DCAF5: variants seen among roughly 807,000 people sequenced by gnomAD.
DCAF5 encodes the protein DDB1- and CUL4-associated factor 5.
Under a neutral mutation model 80.7 loss-of-function variants are expected in DCAF5, and 9 were observed. The ratio of observed to expected loss-of-function variants is 0.11; its 90% confidence interval spans 0.07 to 0.19. DCAF5 has a LOEUF of 0.19. DCAF5 is among the 10% of genes least tolerant of loss of function. DCAF5 has a pLI of 1.00. For synonymous variants in DCAF5, 433 were observed against 461.9 expected, an observed-to-expected ratio of 0.94 and a Z score of 0.80; for missense variants, 842 against 1,205.7, an observed-to-expected ratio of 0.70 and a Z score of 4.47.
intron 5 of DCAF5, among the ~76,000 whole-genome samples, chr14:69,116,088 C>T (rs374230324): frequency 1.3e-5 from 2 of 151,962 alleles, no homozygotes; most frequent in African/African-American, 4.8e-5. Context: ...GAAGGCAATA[C>T]TAAAGGGATG....
intron 5 of DCAF5, among the ~76,000 whole-genome samples, chr14:69,097,391 A>C (rs988025432): frequency 2.6e-5 from 4 of 152,050 alleles, no homozygotes; most frequent in Admixed American, 6.5e-5. Context: ...ATAGCTTTAA[A>C]ATTTTTTTAT....
rs914149284 is a variant in DCAF5 at position 69,051,853 on chromosome 14, C to T, written c.*2004G>A. ...GGAAGAGAAACACACACTGAGTGAT[C>T]GTATTTTTTTTGTATATAAAGGATT... On this transcript the variant is annotated 3_prime_UTR_variant, in exon 9 of 9. Coordinates refer to ENST00000341516, the MANE Select transcript of DCAF5 (RefSeq NM_003861.3). The T allele has an allele frequency of 6.6e-6, 1 of 152,544 alleles. No individual in the cohort carries two copies. Among genetic ancestry groups the T allele is most frequent in the South Asian group, 2.1e-4 (1 of 4,820 alleles). 9.4% of individuals were successfully genotyped at this position (152,544 alleles called of 1,614,324 possible).
chr14:69,072,642 AAAAC>A lies in DCAF5; in HGVS notation c.946+2699_946+2702del, dbSNP rs1415651285. Among the ~76,000 whole-genome samples the A allele has an allele frequency of 4.0e-5, 6 of 149,770 alleles. No individual in the cohort carries two copies. The South Asian group carries it at 6.3e-4, about 16-fold the overall frequency. ...TGACTTTAAAAAAAAAAAAAAAAAA[AAAAC>A]GAGAGAAAAGAAAAAAAATGTGGGT... On this transcript the variant is annotated intron_variant, in intron 7 of 8. Transcript: ENST00000341516.
At chr14:69,067,678 C>A (rs971297388) in intron 7 of DCAF5, among the ~76,000 whole-genome samples, 3 of 151,454 alleles carry the variant, frequency 2.0e-5, no homozygotes, top group African/African-American at 7.3e-5. Context: ...TGGAGTCTCA[C>A]CAGGCTGGAG....
Position 69,118,895 on chromosome 14 carries a change from C to T in DCAF5, c.395+299G>A, listed in dbSNP as rs973984002. On this transcript the variant is annotated intron_variant, in intron 3 of 8. Coordinates refer to ENST00000341516, the MANE Select transcript of DCAF5 (RefSeq NM_003861.3). The surrounding 1 kb of genome is among the most constrained non-coding windows in gnomAD (Gnocchi z 4.0). ...GTCTGGCACATAGTAAGAACTCAAT[C>T]AATATTAGCTATTACTGTTCTTAAA... Among the ~76,000 whole-genome samples, 4 of 152,182 alleles carry T rather than the reference C, an allele frequency of 2.6e-5. No individual in the cohort carries two copies. Among genetic ancestry groups the T allele is most frequent in the African/African-American group, 9.7e-5 (4 of 41,448 alleles).
intron 6 of DCAF5, among the ~76,000 whole-genome samples, chr14:69,075,887 T>C (rs1000156921): frequency 6.6e-6 from 1 of 152,094 alleles, no homozygotes; most frequent in African/African-American, 2.4e-5. Context: ...AAACACCCTC[T>C]TAAAAATACC....
At chr14:69,076,861 G>C (rs1027763321) in intron 6 of DCAF5, among the ~76,000 whole-genome samples, 1 of 152,138 alleles carries the variant, frequency 6.6e-6, no homozygotes, top group Non-Finnish European at 1.5e-5. Context: ...GATCTTTCAC[G>C]TAAGGCCAAG....
At chr14:69,085,674 A>G (rs1044053554) in intron 6 of DCAF5, among the ~76,000 whole-genome samples, 1 of 152,216 alleles carries the variant, frequency 6.6e-6, no homozygotes, top group Non-Finnish European at 1.5e-5. Context: ...TCCCTCATAC[A>G]TACAAATGTA....
chr14:69,065,710 T>C (rs1379252503), intron 7 of DCAF5, among the ~76,000 whole-genome samples: 1 of 152,256 alleles, frequency 6.6e-6, no homozygotes, highest in East Asian at 1.9e-4. Flanking sequence ...TAGAAATTTG[T>C]ATAAGCCAGA....
rs60913200 is a variant in DCAF5 at position 69,099,251 on chromosome 14, AACACACACACAC to A, written c.666-7376_666-7365del. Among the ~76,000 whole-genome samples the A allele has an allele frequency of 6.0e-3, 748 of 124,314 alleles. 7 individuals are homozygous for A. Among genetic ancestry groups the A allele is most frequent in the Middle Eastern group, 0.033 (8 of 244 alleles). 81.6% of individuals were successfully genotyped at this position (124,314 alleles called of 152,430 possible). A position where few individuals can be genotyped will look rare whatever the true frequency, so the allele number is the denominator to read the frequency against. Reference sequence around the variant, plus strand: ...TGGCAACAGAGTGGGACTCTGTCTCAACACACACACACACACACACACACACACACACACACA... The same window carrying A: ...TGGCAACAGAGTGGGACTCTGTCTCAACACACACACACACACACACACACA... On this transcript the variant is annotated intron_variant, in intron 5 of 8. Transcript: ENST00000341516.
At chr14:69,143,553 CTT>C (rs562355110) in intron 1 of DCAF5, among the ~76,000 whole-genome samples, 102 of 102,166 alleles carry the variant, frequency 1.0e-3, no homozygotes, top group African/African-American at 2.9e-3. Context: ...ATCTGTTAAA[CTT>C]TTTTTTTTTT....
rs2037815342 is a variant in DCAF5 at position 69,053,133 on chromosome 14, T to C, written c.*724A>G. On this transcript the variant is annotated 3_prime_UTR_variant, in exon 9 of 9. Transcript: ENST00000341516. ...GCAGCACTGCTCAATTTGCAAACAGTGAAATTTATCAGGAATCTATATTCT... is the reference window on the plus strand; with the variant it reads ...GCAGCACTGCTCAATTTGCAAACAGCGAAATTTATCAGGAATCTATATTCT... 6.6e-6 allele frequency: 1 copy of C among 152,276 alleles called. No individual in the cohort carries two copies. Among genetic ancestry groups the C allele is most frequent in the Non-Finnish European group, 1.5e-5 (1 of 68,052 alleles). The allele number at this position is 152,276 out of a possible 1,614,324, so 9.4% of individuals were successfully genotyped here.
At chr14:69,149,124 T>C (rs2176255) in intron 1 of DCAF5, among the ~76,000 whole-genome samples, 8,199 of 152,294 alleles carry the variant, frequency 0.054, 324 homozygotes, top group Non-Finnish European at 0.084. Context: ...ACCCAACCTA[T>C]ACTTTAACTA....
intron 6 of DCAF5, among the ~76,000 whole-genome samples, chr14:69,078,315 T>C (rs118154244): frequency 2.0e-5 from 3 of 151,988 alleles, no homozygotes; most frequent in Non-Finnish European, 4.4e-5. Context: ...ATTAGGGAAA[T>C]GCAAATCAAA....
intron 1 of DCAF5, among the ~76,000 whole-genome samples, chr14:69,137,451 T>C (rs1388652470): frequency 6.6e-6 from 1 of 152,222 alleles, no homozygotes; most frequent in African/African-American, 2.4e-5. Flanking sequence ...TTCTTTTTTT[T>C]AGTTTTGTAC....
intron 1 of DCAF5, among the ~76,000 whole-genome samples, chr14:69,123,597 T>G (rs1377945637): frequency 2.0e-5 from 3 of 152,238 alleles, no homozygotes; most frequent in Non-Finnish European, 4.4e-5. Context: ...TTTGTGCTGT[T>G]GTACAGCCAC....
intron 1 of DCAF5, among the ~76,000 whole-genome samples, chr14:69,140,754 T>C (rs1308348902): frequency 6.6e-6 from 1 of 152,146 alleles, no homozygotes; most frequent in Non-Finnish European, 1.5e-5. Context: ...GCCTTTTTTT[T>C]CCCTTTCTAA....
rs373143665 is a variant in DCAF5, at chr14:69,118,167, A to T, written c.507T>A (p.Ile169=). Residue 169 remains isoleucine (I), a synonymous_variant, in exon 4 of 9, where the codon ATT becomes ATA. Transcript: ENST00000341516. This position sits in a 1 kb window ranked among gnomAD's most constrained non-coding sequence, Gnocchi z 4.0. ...ASSSDDGRVL[I]WDIRESPHGE... ...CATGGGGGGATTCCCGAATGTCCCAAATGAGAACCCGGCCATCATCTGAGG... is the reference window on the plus strand; with the variant it reads ...CATGGGGGGATTCCCGAATGTCCCATATGAGAACCCGGCCATCATCTGAGG... 3 of 1,613,998 alleles carry T rather than the reference A, an allele frequency of 1.9e-6. No individual in the cohort carries two copies. Among genetic ancestry groups the T allele is most frequent in the Non-Finnish European group, 2.5e-6 (3 of 1,179,900 alleles).
intron 7 of DCAF5, among the ~76,000 whole-genome samples, chr14:69,072,109 T>C (rs563410581): frequency 1.3e-5 from 2 of 152,312 alleles, no homozygotes; most frequent in African/African-American, 4.8e-5. Context: ...CATTTCCCTA[T>C]TTGGCTTTTA....
Sources: allele counts gnomAD v4.1 joint callset (sites outside exome capture counted in the v4.1 genomes callset), GRCh38; gene constraint gnomAD v4.1.1; non-coding constraint Gnocchi (gnomAD v3.1); transcripts MANE v1.5; gene names NCBI Gene and HGNC (gene_info 2026-07-23, HGNC 2026-07-21).